The following CAMK1D variants were observed in gnomAD, a reference collection of about 807,000 sequenced individuals.
CAMK1D encodes calcium/calmodulin-dependent protein kinase type 1D.
In CAMK1D, 9 loss-of-function variants were observed where a neutral mutation model predicts 47.7. The observed-to-expected ratio is 0.19, with a 90% CI of 0.11 to 0.33. CAMK1D has a LOEUF of 0.33. Among genes scored for constraint, CAMK1D ranks in the 10% least tolerant of loss-of-function variants. CAMK1D has a pLI of 1.00. For synonymous variants in CAMK1D, 184 were observed against 184.9 expected, an observed-to-expected ratio of 0.99 and a Z score of 0.04; for missense variants, 291 against 488.7, an observed-to-expected ratio of 0.60 and a Z score of 3.81.
intron 1 of CAMK1D, among the ~76,000 whole-genome samples, chr10:12,373,492 C>A (rs927745146): frequency 4.6e-5 from 7 of 150,832 alleles, no homozygotes; most frequent in African/African-American, 1.7e-4. Context: ...ATTAGCCAGG[C>A]GTAGTGGTGG....
intron 1 of CAMK1D, among the ~76,000 whole-genome samples, chr10:12,491,417 T>A (rs1229796890): frequency 6.6e-6 from 1 of 152,142 alleles, no homozygotes; most frequent in Non-Finnish European, 1.5e-5. Context: ...TGCCTCATAG[T>A]CCAGGGTCAT....
At chr10:12,815,116 CTT>C (rs1005541430) in intron 7 of CAMK1D, among the ~76,000 whole-genome samples, 2 of 152,218 alleles carry the variant, frequency 1.3e-5, no homozygotes, top group Non-Finnish European at 2.9e-5. Flanking sequence ...GGTGAAATAA[CTT>C]GACCAAAATC....
chr10:12,399,528 C>G (rs951889267), intron 1 of CAMK1D, among the ~76,000 whole-genome samples: 1 of 151,740 alleles, frequency 6.6e-6, no homozygotes, highest in Non-Finnish European at 1.5e-5. Flanking sequence ...AGTTGAGGGT[C>G]ATTGCTGGAC....
chr10:12,614,559 A>G (rs924461860), intron 2 of CAMK1D, among the ~76,000 whole-genome samples: 3 of 152,234 alleles, frequency 2.0e-5, no homozygotes, highest in Admixed American at 2.0e-4. Context: ...TCCATACTTG[A>G]ATGGGCAATT....
intron 1 of CAMK1D, among the ~76,000 whole-genome samples, chr10:12,365,587 T>C (rs979108780): frequency 2.0e-5 from 3 of 152,100 alleles, no homozygotes; most frequent in South Asian, 2.1e-4. Context: ...TACAGGCGCT[T>C]GCCACCATGC....
At chr10:12,760,899 C>T in intron 3 of CAMK1D, 49 bp from the exon 4 acceptor site, 1 of 1,573,484 alleles carries the variant, frequency 6.4e-7, no homozygotes, top group Non-Finnish European at 8.7e-7. Flanking sequence ...GCTTTCCCTT[C>T]ACAATTCAAC....
chr10:12,624,995 TTCCTCC>T (rs57078350), intron 2 of CAMK1D, among the ~76,000 whole-genome samples: 7,395 of 148,364 alleles, frequency 0.05, 528 homozygotes, highest in African/African-American at 0.16. Context: ...TTCCTCCTCT[TTCCTCC>T]TCCTCCTCCT....
chr10:12,467,642 C>T (rs561787139), intron 1 of CAMK1D, among the ~76,000 whole-genome samples: 1 of 152,326 alleles, frequency 6.6e-6, no homozygotes, highest in South Asian at 2.1e-4. Flanking sequence ...TGACTTTTCT[C>T]TCATCAACAC....
intron 2 of CAMK1D, among the ~76,000 whole-genome samples, chr10:12,640,955 A>AGTTTTTTT (rs541071214): frequency 6.6e-6 from 1 of 152,096 alleles, no homozygotes; most frequent in South Asian, 2.1e-4. Flanking sequence ...CTTAAAATAC[A>AGTTTTTTT]GTTTTTTTGT....
intron 3 of CAMK1D, among the ~76,000 whole-genome samples, chr10:12,712,710 G>T (rs772160481): frequency 6.6e-6 from 1 of 152,146 alleles, no homozygotes; most frequent in Non-Finnish European, 1.5e-5. Context: ...TCATACTGGG[G>T]GTTAGGGTTT....
At chr10:12,503,892 G>T (rs565351392) in intron 1 of CAMK1D, among the ~76,000 whole-genome samples, 1 of 152,122 alleles carries the variant, frequency 6.6e-6, no homozygotes. Flanking sequence ...GGAATATACC[G>T]GACTGAGGAT....
intron 2 of CAMK1D, among the ~76,000 whole-genome samples, chr10:12,554,425 G>C (rs1352479816): frequency 1.5e-5 from 2 of 131,322 alleles, no homozygotes; most frequent in Non-Finnish European, 3.6e-5. Context: ...AAAGTGCTGA[G>C]TTTACAGGCA....
intron 2 of CAMK1D, among the ~76,000 whole-genome samples, chr10:12,634,079 A>G (rs1278645367): frequency 6.6e-6 from 1 of 152,176 alleles, no homozygotes; most frequent in East Asian, 1.9e-4. Flanking sequence ...GGGCTGAGGC[A>G]TGCTGGTGAG....
At chr10:12,367,918 C>A (rs899229820) in intron 1 of CAMK1D, among the ~76,000 whole-genome samples, 1 of 152,122 alleles carries the variant, frequency 6.6e-6, no homozygotes, top group African/African-American at 2.4e-5. Flanking sequence ...TTTGGCCAGG[C>A]GCAGTGGCTC....
At chr10:12,368,806 G>A (rs191255810) in intron 1 of CAMK1D, among the ~76,000 whole-genome samples, 211 of 151,328 alleles carry the variant, frequency 1.4e-3, no homozygotes, top group Non-Finnish European at 2.4e-3. Context: ...ATGAAAGGAC[G>A]TTGACTTTAT....
intron 1 of CAMK1D, among the ~76,000 whole-genome samples, chr10:12,442,023 G>A (rs1234575561): frequency 2.6e-5 from 4 of 152,142 alleles, no homozygotes; most frequent in South Asian, 2.1e-4. Flanking sequence ...AAAAGGAAAT[G>A]TGTATTTTTC....
At chr10:12,507,584 C>T (rs959712931) in intron 1 of CAMK1D, among the ~76,000 whole-genome samples, 2 of 152,050 alleles carry the variant, frequency 1.3e-5, no homozygotes, top group Admixed American at 6.6e-5. Context: ...AACTGTGTGC[C>T]TCTGTGTAGG....
chr10:12,547,240 G>C (rs74116971), intron 1 of CAMK1D, among the ~76,000 whole-genome samples: 1 of 152,220 alleles, frequency 6.6e-6, no homozygotes. Flanking sequence ...AGGATGAGCA[G>C]TGAGAGGAAG....
intron 6 of CAMK1D, among the ~76,000 whole-genome samples, chr10:12,801,621 CATCT>C (rs560634843): frequency 5.4e-4 from 82 of 152,128 alleles, no homozygotes; most frequent in East Asian, 1.4e-3. Flanking sequence ...TCCTTCCATC[CATCT>C]ATCTATCTAC....
Sources: allele counts gnomAD v4.1 joint callset (sites outside exome capture counted in the v4.1 genomes callset), GRCh38; gene constraint gnomAD v4.1.1; transcripts MANE v1.5; gene names NCBI Gene and HGNC (gene_info 2026-07-23, HGNC 2026-07-21).